The following CA10 variants were observed in gnomAD, a reference collection of about 807,000 sequenced individuals.
CA10 encodes the protein carbonic anhydrase 10 (inactive).
Under a neutral mutation model 44.2 loss-of-function variants are expected in CA10, and 14 were observed. That is an observed-to-expected ratio of 0.32 (90% CI 0.21 to 0.50). The LOEUF is 0.50. Ranked by LOEUF, CA10 falls within the 20% of genes least tolerant of loss-of-function variation. CA10 has a pLI of 0.99. For missense variants in CA10, 350 were observed against 409.7 expected, an observed-to-expected ratio of 0.85 and a Z score of 1.26; for synonymous variants, 159 against 141.6, an observed-to-expected ratio of 1.12 and a Z score of -0.87.
At chr17:52,114,535 G>A (rs1988850822) in intron 1 of CA10, among the ~76,000 whole-genome samples, 1 of 152,176 alleles carries the variant, frequency 6.6e-6, no homozygotes, top group Non-Finnish European at 1.5e-5. Context: ...ACTATACATA[G>A]TAAATTCCTT....
chr17:51,911,864 GACAA>G (rs1159589467), intron 3 of CA10, among the ~76,000 whole-genome samples: 4 of 152,058 alleles, frequency 2.6e-5, no homozygotes, highest in East Asian at 1.9e-4. Flanking sequence ...ATCAAGCACC[GACAA>G]ACAATTTCAG....
At chr17:51,914,256 GA>G (rs11298090) in intron 3 of CA10, among the ~76,000 whole-genome samples, 79,306 of 151,612 alleles carry the variant, frequency 0.52, 21,169 homozygotes, top group Middle Eastern at 0.57. Context: ...GGCTGCAGAG[GA>G]GACAGAGAGA....
chr17:51,946,895 A>G (rs1197336328), intron 2 of CA10, among the ~76,000 whole-genome samples: 2 of 152,152 alleles, frequency 1.3e-5, no homozygotes, highest in East Asian at 3.9e-4. Flanking sequence ...CTGGGCATAA[A>G]TTCTGAGTGA....
intron 2 of CA10, among the ~76,000 whole-genome samples, chr17:52,063,119 G>A (rs1170946389): frequency 1.3e-5 from 2 of 152,332 alleles, no homozygotes; most frequent in South Asian, 2.1e-4. Flanking sequence ...GCCCTGCTGG[G>A]TTTTAGACTT....
At chr17:52,030,761 G>A (rs1445067764) in intron 2 of CA10, among the ~76,000 whole-genome samples, 1 of 152,112 alleles carries the variant, frequency 6.6e-6, no homozygotes, top group Non-Finnish European at 1.5e-5. Flanking sequence ...CTGAAACTGG[G>A]ATACACTCTT....
At chr17:51,922,750 T>G (rs1392697307) in intron 3 of CA10, among the ~76,000 whole-genome samples, 2 of 152,302 alleles carry the variant, frequency 1.3e-5, no homozygotes, top group African/African-American at 4.8e-5. Flanking sequence ...ACATCAATTT[T>G]AATCATGATA....
intron 3 of CA10, among the ~76,000 whole-genome samples, chr17:51,787,110 T>C (rs1906319519): frequency 6.6e-6 from 1 of 152,204 alleles, no homozygotes; most frequent in Non-Finnish European, 1.5e-5. Flanking sequence ...TCAATATTCA[T>C]TAGGGATATC....
chr17:51,717,801 A>G (rs1361159606), intron 4 of CA10, among the ~76,000 whole-genome samples: 1 of 53,580 alleles, frequency 1.9e-5, no homozygotes, highest in Non-Finnish European at 3.8e-5. Flanking sequence ...GTATATGTGT[A>G]TATATATACA....
intron 1 of CA10, among the ~76,000 whole-genome samples, chr17:52,130,541 A>G (rs765048226): frequency 6.6e-6 from 1 of 152,232 alleles, no homozygotes; most frequent in African/African-American, 2.4e-5. Flanking sequence ...TAATTGAAAT[A>G]AGTCAGAAAA....
rs543260624 is a variant in CA10 at position 51,631,798 on chromosome 17, T to C, written c.965-192A>G. Among the ~76,000 whole-genome samples the C allele has an allele frequency of 3.3e-5, 5 of 152,228 alleles. No homozygotes were observed. In the South Asian group the frequency reaches 8.3e-4, roughly 25 times the overall value. On this transcript the variant is annotated intron_variant, in intron 8 of 8. Coordinates refer to ENST00000451037, the MANE Select transcript of CA10 (RefSeq NM_020178.5). ...GACCTTCTAGGCCTATACTGACCAATATGGTGGCCACTAGCTGCCATATGT... is the reference window on the plus strand; with the variant it reads ...GACCTTCTAGGCCTATACTGACCAACATGGTGGCCACTAGCTGCCATATGT...
intron 2 of CA10, among the ~76,000 whole-genome samples, chr17:52,052,841 C>T (rs985247318): frequency 1.3e-5 from 2 of 152,002 alleles, no homozygotes; most frequent in African/African-American, 4.8e-5. Flanking sequence ...CATATTAATG[C>T]TAAGTTTGGA....
At chr17:51,750,820 T>A (rs1400436996) in intron 3 of CA10, among the ~76,000 whole-genome samples, 3 of 152,348 alleles carry the variant, frequency 2.0e-5, no homozygotes, top group East Asian at 1.9e-4. Flanking sequence ...TGGGCAAGTA[T>A]CTTGGGCTTC....
At chr17:51,792,134 T>G (rs1046071183) in intron 3 of CA10, among the ~76,000 whole-genome samples, 1 of 152,160 alleles carries the variant, frequency 6.6e-6, no homozygotes, top group Non-Finnish European at 1.5e-5. Context: ...TCACAGGTAA[T>G]TCTCATAGAA....
chr17:52,121,679 T>TACAC (rs10567649), intron 1 of CA10, among the ~76,000 whole-genome samples: 8 of 149,846 alleles, frequency 5.3e-5, no homozygotes, highest in South Asian at 4.3e-4. Context: ...CACACACAGA[T>TACAC]ACACACACAC....
intron 6 of CA10, among the ~76,000 whole-genome samples, chr17:51,636,249 A>G (rs1912822858): frequency 6.6e-6 from 1 of 152,190 alleles, no homozygotes; most frequent in Non-Finnish European, 1.5e-5. Context: ...TCTTGCTCAC[A>G]CACATGATCA....
chr17:51,733,708 C>T (rs191328319), intron 4 of CA10, among the ~76,000 whole-genome samples: 4 of 152,148 alleles, frequency 2.6e-5, no homozygotes, highest in Admixed American at 2.0e-4. Flanking sequence ...GGCTAAATGC[C>T]GACACCAATA....
At chr17:51,983,156 G>A (rs921398391) in intron 2 of CA10, among the ~76,000 whole-genome samples, 1 of 151,560 alleles carries the variant, frequency 6.6e-6, no homozygotes, top group African/African-American at 2.4e-5. Flanking sequence ...AATAGAGTGT[G>A]CCATTTATCC....
At chr17:51,943,732 C>T (rs933648756) in intron 2 of CA10, among the ~76,000 whole-genome samples, 3 of 152,190 alleles carry the variant, frequency 2.0e-5, no homozygotes, top group Non-Finnish European at 4.4e-5. Flanking sequence ...AGCCCAGCTA[C>T]TTCCCATGCA....
At chr17:52,088,489 A>C (rs189871725) in intron 1 of CA10, among the ~76,000 whole-genome samples, 1 of 152,304 alleles carries the variant, frequency 6.6e-6, no homozygotes, top group Admixed American at 6.5e-5. Flanking sequence ...CTGGGTCACA[A>C]GTTACAGTAA....
Sources: gnomAD v4.1 joint callset for allele counts (sites outside exome capture counted in the v4.1 genomes callset) on GRCh38, gnomAD v4.1.1 for gene constraint, MANE v1.5 for transcripts, NCBI Gene and HGNC (gene_info 2026-07-23, HGNC 2026-07-21) for gene names.